Variants in SLCO5A1 observed in about 807,000 individuals in gnomAD.
The protein encoded by SLCO5A1 is solute carrier organic anion transporter family member 5A1, also known as organic anion transporter polypeptide-related protein 4.
SLCO5A1 carries 39 observed loss-of-function variants against 65.1 expected under a neutral mutation model. That is an observed-to-expected ratio of 0.60 (90% CI 0.46 to 0.78). The LOEUF is 0.78. SLCO5A1 is among the 30% of genes least tolerant of loss of function. SLCO5A1 has a pLI of 0.00. For missense variants in SLCO5A1, 1,029 were observed against 1,069.4 expected (o/e 0.96, Z 0.53); for synonymous variants, 438 against 415.7 (o/e 1.05, Z -0.65).
chr8:69,744,231 G>A (rs1220456390), intron 4 of SLCO5A1, among the ~76,000 whole-genome samples: 1 of 152,162 alleles, frequency 6.6e-6, no homozygotes, highest in Non-Finnish European at 1.5e-5. Flanking sequence ...CCAAGCATAA[G>A]AAGCATAAGA....
chr8:69,735,421 AATGCC>A (rs1472568996), intron 5 of SLCO5A1, among the ~76,000 whole-genome samples: 8 of 152,214 alleles, frequency 5.3e-5, no homozygotes, highest in Non-Finnish European at 8.8e-5. Flanking sequence ...AATCAACTCA[AATGCC>A]CATCAATGAT....
chr8:69,793,814 T>TAAAA (rs896410626), intron 2 of SLCO5A1, among the ~76,000 whole-genome samples: 2 of 142,902 alleles, frequency 1.4e-5, no homozygotes, highest in East Asian at 4.2e-4. Context: ...AATAAATAAA[T>TAAAA]AAAATAAAAT....
intron 2 of SLCO5A1, among the ~76,000 whole-genome samples, chr8:69,789,981 T>C (rs1016725075): frequency 6.6e-6 from 1 of 151,762 alleles, no homozygotes; most frequent in African/African-American, 2.4e-5. Context: ...TCACCTGAGA[T>C]CAGGAGTTTG....
intron 7 of SLCO5A1, among the ~76,000 whole-genome samples, chr8:69,681,890 C>T (rs1407039583): frequency 6.6e-6 from 1 of 152,100 alleles, no homozygotes; most frequent in Non-Finnish European, 1.5e-5. Context: ...AAACAAATGG[C>T]AGGCCTAGAG....
Position 69,671,420 on chromosome 8 carries a change from A to G in SLCO5A1, c.*1449T>C, listed in dbSNP as rs1813325142. 1 of 152,188 alleles carries G rather than the reference A, an allele frequency of 6.6e-6. No individual in the cohort carries two copies. Among genetic ancestry groups the G allele is most frequent in the Non-Finnish European group, 1.5e-5 (1 of 68,048 alleles). The allele number at this position is 152,188 out of a possible 1,614,324, so 9.4% of individuals were successfully genotyped here. On this transcript the variant is annotated 3_prime_UTR_variant, in exon 10 of 10. Coordinates refer to ENST00000260126, the MANE Select transcript of SLCO5A1 (RefSeq NM_030958.3). ...TCCTTGGCAGAAAAAGTTCACAATT[A>G]TATCAGCATTTGGCCCTTACACTCC...
intron 6 of SLCO5A1, among the ~76,000 whole-genome samples, chr8:69,698,389 G>A (rs1349919939): frequency 3.3e-5 from 5 of 152,184 alleles, no homozygotes; most frequent in Non-Finnish European, 7.3e-5. Context: ...GGATTGCTGG[G>A]TTGAATGGTA....
chr8:69,722,336 A>C (rs544824926), intron 5 of SLCO5A1, among the ~76,000 whole-genome samples: 2 of 152,306 alleles, frequency 1.3e-5, no homozygotes, highest in African/African-American at 4.8e-5. Flanking sequence ...TAATTGATCA[A>C]TACAACAGCT....
At chr8:69,743,662 C>G (rs1176256373) in intron 4 of SLCO5A1, among the ~76,000 whole-genome samples, 1 of 152,184 alleles carries the variant, frequency 6.6e-6, no homozygotes, top group Non-Finnish European at 1.5e-5. Context: ...CCCTGTCACA[C>G]TGCAAGACCC....
At chr8:69,713,376 A>G (rs1480668380) in intron 5 of SLCO5A1, 2 of 152,270 alleles carry the variant, frequency 1.3e-5, no homozygotes, top group Admixed American at 6.5e-5. Flanking sequence ...GGCTGGGCAC[A>G]TGGGACGGAC....
Position 69,705,103 on chromosome 8 carries a change from CAT to C in SLCO5A1, c.1548_1549del (p.Cys517PhefsTer10), listed in dbSNP as rs1814911083. The C allele has an allele frequency of 6.2e-7, 1 of 1,614,002 alleles. No individual in the cohort carries two copies. The highest frequency in any genetic ancestry group is 1.3e-5 in the African/African-American group (1 of 74,912). ...TCCAACAATAAATAGGGTTGAAAAA[CAT>C]AGTAAAGACACACCACTGCAGATCA... On this transcript the variant is annotated frameshift_variant, in exon 6 of 10. Transcript: ENST00000260126. LOFTEE classifies it high-confidence loss of function.
intron 5 of SLCO5A1, among the ~76,000 whole-genome samples, chr8:69,717,381 C>A (rs2130823175): frequency 6.6e-6 from 1 of 152,276 alleles, no homozygotes; most frequent in African/African-American, 2.4e-5. Context: ...ATAGCCTTGG[C>A]ACTCTTGTCA....
Position 69,784,811 on chromosome 8 carries a change from A to AAAAGAAAGAAAGAAAGAAAGAAAGAAAG in SLCO5A1, c.908-22964_908-22937dup, listed in dbSNP as rs56110450. Among the ~76,000 whole-genome samples the AAAAGAAAGAAAGAAAGAAAGAAAGAAAG allele has an allele frequency of 3.4e-3, 243 of 70,934 alleles. 2 individuals are homozygous for AAAAGAAAGAAAGAAAGAAAGAAAGAAAG. Among genetic ancestry groups the AAAAGAAAGAAAGAAAGAAAGAAAGAAAG allele is most frequent in the East Asian group, 4.2e-3 (14 of 3,330 alleles). 46.5% of individuals were successfully genotyped at this position (70,934 alleles called of 152,430 possible). ...TGAAAAAAAAAGAAAGAAAGAAAGAAAAAGAAAGAAAGAAAGAAAGAAAGA... is the reference window on the plus strand; with the variant it reads ...TGAAAAAAAAAGAAAGAAAGAAAGAAAAAGAAAGAAAGAAAGAAAGAAAGAAAGAAAGAAAGAAAGAAAGAAAGAAAGA... On this transcript the variant is annotated intron_variant, in intron 2 of 9. Coordinates refer to ENST00000260126, the MANE Select transcript of SLCO5A1 (RefSeq NM_030958.3).
chr8:69,710,745 T>C (rs1815203011), intron 5 of SLCO5A1, among the ~76,000 whole-genome samples: 1 of 152,128 alleles, frequency 6.6e-6, no homozygotes, highest in Non-Finnish European at 1.5e-5. Flanking sequence ...CTAATTAGCA[T>C]TAGGCTCTCA....
chr8:69,680,932 C>G (rs1341500183), intron 7 of SLCO5A1, among the ~76,000 whole-genome samples: 1 of 152,084 alleles, frequency 6.6e-6, no homozygotes, highest in Non-Finnish European at 1.5e-5. Flanking sequence ...ATACTTGAAG[C>G]AGTCATAAGA....
intron 2 of SLCO5A1, among the ~76,000 whole-genome samples, chr8:69,781,631 C>T (rs1260480724): frequency 7.9e-5 from 12 of 151,830 alleles, no homozygotes; most frequent in Non-Finnish European, 1.5e-5. Flanking sequence ...CTATTATTAT[C>T]CTTTTTTGTT....
chr8:69,799,842 T>TGA (rs1819660372), intron 2 of SLCO5A1, among the ~76,000 whole-genome samples: 1 of 152,104 alleles, frequency 6.6e-6, no homozygotes, highest in African/African-American at 2.4e-5. Flanking sequence ...CCACAACATG[T>TGA]GGGGATTAGG....
At chr8:69,674,875 A>AC (rs1368108000) in intron 9 of SLCO5A1, among the ~76,000 whole-genome samples, 6 of 150,262 alleles carry the variant, frequency 4.0e-5, no homozygotes, top group East Asian at 2.0e-4. Context: ...AAAAACAAAA[A>AC]AAAAAAATGC....
chr8:69,717,114 A>G (rs1815584539), intron 5 of SLCO5A1, among the ~76,000 whole-genome samples: 1 of 152,144 alleles, frequency 6.6e-6, no homozygotes, highest in South Asian at 2.1e-4. Flanking sequence ...TTGATGAACA[A>G]TAGTTTTACA....
At chr8:69,709,894 T>C (rs565284866) in intron 5 of SLCO5A1, among the ~76,000 whole-genome samples, 1 of 152,248 alleles carries the variant, frequency 6.6e-6, no homozygotes, top group Non-Finnish European at 1.5e-5. Flanking sequence ...GGTTGCATGC[T>C]CCGGCATGTT....
Sources: gnomAD v4.1 joint callset for allele counts (sites outside exome capture counted in the v4.1 genomes callset) on GRCh38, gnomAD v4.1.1 for gene constraint, MANE v1.5 for transcripts, NCBI Gene and HGNC (gene_info 2026-07-23, HGNC 2026-07-21) for gene names.